Variants in MICU1 observed in about 807,000 individuals in gnomAD.
The protein encoded by MICU1 is calcium uptake protein 1, mitochondrial.
MICU1 carries 45 observed loss-of-function variants against 56.8 expected under a neutral mutation model. That is an observed-to-expected ratio of 0.79 (90% CI 0.62 to 1.02). The LOEUF is 1.02. Among genes scored for constraint, MICU1 ranks in the 50% least tolerant of loss-of-function variants. The pLI, the probability that MICU1 is intolerant of heterozygous loss-of-function variation, is 0.00. For missense variants in MICU1, 504 were observed against 587.1 expected (o/e 0.86, Z 1.46); for synonymous variants, 186 against 195.1 (o/e 0.95, Z 0.39).
chr10:72,389,058 T>C (rs1862983927), intron 10 of MICU1, among the ~76,000 whole-genome samples: 1 of 152,198 alleles, frequency 6.6e-6, no homozygotes, highest in African/African-American at 2.4e-5. Context: ...GAAACTACTA[T>C]GAAATGAGAG....
intron 8 of MICU1, among the ~76,000 whole-genome samples, chr10:72,472,577 A>C (rs1277717525): frequency 6.6e-6 from 1 of 152,238 alleles, no homozygotes; most frequent in East Asian, 1.9e-4. Context: ...TATTGAAAAA[A>C]AAATCCTATA....
chr10:72,429,744 T>A (rs1864465347), intron 8 of MICU1, among the ~76,000 whole-genome samples: 1 of 152,222 alleles, frequency 6.6e-6, no homozygotes, highest in Admixed American at 6.5e-5. Flanking sequence ...TACTGATTTC[T>A]ATAAGGATAG....
chr10:72,418,975 T>C (rs1864071957), intron 9 of MICU1, among the ~76,000 whole-genome samples: 1 of 152,214 alleles, frequency 6.6e-6, no homozygotes, highest in South Asian at 2.1e-4. Flanking sequence ...CCGCAGATTT[T>C]CATCATCTGA....
At chr10:72,570,622 C>T (rs1438203938) in intron 1 of MICU1, among the ~76,000 whole-genome samples, 3 of 152,208 alleles carry the variant, frequency 2.0e-5, no homozygotes, top group South Asian at 4.1e-4. Flanking sequence ...GTAAACTTTG[C>T]TCCTAGCTCC....
At chr10:72,547,750 GA>G (rs1839932353) in intron 4 of MICU1, among the ~76,000 whole-genome samples, 1 of 152,140 alleles carries the variant, frequency 6.6e-6, no homozygotes, top group Non-Finnish European at 1.5e-5. Flanking sequence ...CAGAATGTGG[GA>G]AATTCTATAA....
chr10:72,479,105 C>A (rs1424527116), intron 6 of MICU1, among the ~76,000 whole-genome samples: 2 of 152,184 alleles, frequency 1.3e-5, no homozygotes, highest in Non-Finnish European at 2.9e-5. Flanking sequence ...TACTCTCAAT[C>A]TTGAAAACTT....
intron 4 of MICU1, among the ~76,000 whole-genome samples, chr10:72,542,992 T>C (rs984382513): frequency 9.2e-5 from 14 of 152,214 alleles, no homozygotes; most frequent in African/African-American, 2.9e-4. Context: ...AGCTCTCGCT[T>C]GAAGTCAAGT....
chr10:72,447,406 T>C (rs1249798777), intron 8 of MICU1, among the ~76,000 whole-genome samples: 1 of 152,176 alleles, frequency 6.6e-6, no homozygotes, highest in African/African-American at 2.4e-5. Flanking sequence ...ATATATATTA[T>C]TGGCATGATT....
At chr10:72,551,147 T>C (rs781110919) in intron 4 of MICU1, 32 bp downstream of exon 4, 1 of 1,561,984 alleles carries the variant, frequency 6.4e-7, no homozygotes, top group African/African-American at 1.4e-5. Flanking sequence ...AAAATAAATA[T>C]CACAGTCTTA....
chr10:72,438,757 G>A (rs1401822397), intron 8 of MICU1, among the ~76,000 whole-genome samples: 1 of 152,130 alleles, frequency 6.6e-6, no homozygotes, highest in African/African-American at 2.4e-5. Flanking sequence ...TACCATCAGA[G>A]AATACTATAA....
intron 6 of MICU1, among the ~76,000 whole-genome samples, chr10:72,486,010 T>TA (rs989587709): frequency 1.0e-4 from 15 of 147,160 alleles, no homozygotes; most frequent in African/African-American, 2.5e-4. Context: ...GCAAAAGACC[T>TA]AAAAAAAAAG....
intron 6 of MICU1, among the ~76,000 whole-genome samples, chr10:72,504,123 GA>G (rs888961549): frequency 1.6e-4 from 25 of 151,870 alleles, no homozygotes; most frequent in Non-Finnish European, 3.2e-4. Context: ...CACAAAATCA[GA>G]AAAAAACTAT....
intron 6 of MICU1, chr10:72,502,827 T>G (rs1319367249): frequency 6.4e-6 from 1 of 157,036 alleles, no homozygotes; most frequent in Non-Finnish European, 1.4e-5. Context: ...CCCCATCTTG[T>G]TATAATAGAT....
chr10:72,410,846 AAG>A (rs1198425618), intron 9 of MICU1, among the ~76,000 whole-genome samples: 4 of 152,182 alleles, frequency 2.6e-5, no homozygotes, highest in African/African-American at 9.7e-5. Context: ...TCAAATTTAG[AAG>A]AGAATCCCAT....
chr10:72,494,312 T>C (rs935033038), intron 6 of MICU1, among the ~76,000 whole-genome samples: 3 of 152,204 alleles, frequency 2.0e-5, no homozygotes, highest in African/African-American at 4.8e-5. Context: ...TCCATTAAAA[T>C]AGGAGGGAGG....
rs1044756946 is a variant in MICU1 at position 72,475,356 on chromosome 10, T to C, written c.736-59A>G. 4.3e-6 allele frequency: 6 copies of C among 1,394,604 alleles called. No homozygotes were observed. In the Admixed American group the frequency reaches 6.9e-5, roughly 16 times the overall value. The allele number at this position is 1,394,604 out of a possible 1,614,324, so 86.4% of individuals were successfully genotyped here. ...ATTAGGAAGTGAGAAAACATAAACA[T>C]AGAAAAGCAAGAATCATAACTATTG... On this transcript the variant is annotated intron_variant, in intron 7 of 11. Coordinates refer to ENST00000361114, the MANE Select transcript of MICU1 (RefSeq NM_001195518.2).
chr10:72,597,030 G>A (rs889857061), intron 1 of MICU1, among the ~76,000 whole-genome samples: 15 of 152,076 alleles, frequency 9.9e-5, no homozygotes, highest in Non-Finnish European at 1.6e-4. Flanking sequence ...AAATTGGGGG[G>A]CGAGATGAAG....
intron 6 of MICU1, among the ~76,000 whole-genome samples, chr10:72,507,896 G>A (rs903305568): frequency 6.6e-6 from 1 of 152,164 alleles, no homozygotes; most frequent in African/African-American, 2.4e-5. Flanking sequence ...GGAATTACAA[G>A]TGTGAGCCAC....
In MICU1 at chr10:72,376,414, G is replaced by A. The variant is rs534215651; in HGVS notation, c.1181-542C>T. Among the ~76,000 whole-genome samples, 8 of 151,476 alleles carry A rather than the reference G, an allele frequency of 5.3e-5. No homozygotes were observed. The East Asian group carries it at 9.8e-4, about 19-fold the overall frequency. On this transcript the variant is annotated intron_variant, in intron 10 of 11. Transcript: ENST00000361114. ...AAGAATGCCTAGGCTGGCCAGGCGCGGTGGCTCATACCTGTAATCCCAGCA... is the reference window on the plus strand; with the variant it reads ...AAGAATGCCTAGGCTGGCCAGGCGCAGTGGCTCATACCTGTAATCCCAGCA...
Sources: gnomAD v4.1 joint callset for allele counts (sites outside exome capture counted in the v4.1 genomes callset) on GRCh38, gnomAD v4.1.1 for gene constraint, MANE v1.5 for transcripts, NCBI Gene and HGNC (gene_info 2026-07-23, HGNC 2026-07-21) for gene names.